ABR: variants seen among roughly 807,000 people sequenced by gnomAD.
ABR encodes active breakpoint cluster region-related protein.
ABR carries 35 observed loss-of-function variants against 107.2 expected under a neutral mutation model. The observed-to-expected ratio is 0.33, with a 90% CI of 0.25 to 0.43. ABR has a LOEUF of 0.43. ABR is among the 20% of genes least tolerant of loss of function. The probability of loss-of-function intolerance (pLI) is 1.00; values close to 1 mark genes in which losing one functional copy is unlikely to be tolerated. For synonymous variants in ABR, 498 were observed against 462.0 expected, an observed-to-expected ratio of 1.08 and a Z score of -1.00; for missense variants, 815 against 1,115.2, an observed-to-expected ratio of 0.73 and a Z score of 3.83.
intron 3 of ABR, among the ~76,000 whole-genome samples, chr17:1,094,057 C>A (rs1291504276): frequency 3.3e-5 from 5 of 151,444 alleles, no homozygotes; most frequent in African/African-American, 1.2e-4. Context: ...TCCGGTCAGG[C>A]CCCTCCTTCT....
Position 1,003,608 on chromosome 17 carries a change from T to C in ABR, c.*2472A>G, listed in dbSNP as rs1015825315. 1 of 152,564 alleles carries C rather than the reference T, an allele frequency of 6.6e-6. No individual in the cohort carries two copies. Among genetic ancestry groups the C allele is most frequent in the African/African-American group, 2.4e-5 (1 of 41,450 alleles). 9.5% of individuals were successfully genotyped at this position (152,564 alleles called of 1,614,324 possible). A position where few individuals can be genotyped will look rare whatever the true frequency, so the allele number is the denominator to read the frequency against. On this transcript the variant is annotated 3_prime_UTR_variant, in exon 23 of 23. Coordinates refer to ENST00000302538, the MANE Select transcript of ABR (RefSeq NM_021962.5). ...ATCAATTTATAATAATCTACATAAG[T>C]TGAAACAGAACATAGACAAAAAAAT...
chr17:1,166,989 C>A (rs2041538622), intron 1 of ABR, among the ~76,000 whole-genome samples: 1 of 152,190 alleles, frequency 6.6e-6, no homozygotes, highest in Admixed American at 6.5e-5. Flanking sequence ...GGTGACAGAG[C>A]CAGACTCTGT....
At chr17:1,198,310 A>G (rs952413298) in intron 1 of ABR, among the ~76,000 whole-genome samples, 2 of 151,530 alleles carry the variant, frequency 1.3e-5, no homozygotes, top group East Asian at 1.9e-4. Flanking sequence ...ACGTTGCCCA[A>G]GGCCGAGCTG....
At chr17:1,101,723 A>G (rs887659273) in intron 2 of ABR, among the ~76,000 whole-genome samples, 3 of 150,204 alleles carry the variant, frequency 2.0e-5, no homozygotes, top group African/African-American at 4.9e-5. Context: ...TGGGAAAGAC[A>G]TTTATTTTTT....
At position 1,083,556 on chromosome 17, in the gene ABR, G is replaced by A. The variant is rs1380757579; in HGVS notation, c.603C>T (p.Cys201=). The A allele has an allele frequency of 3.7e-6, 6 of 1,612,210 alleles. No individual in the cohort carries two copies. The South Asian group carries it at 5.5e-5, about 15-fold the overall frequency. The change falls in exon 5 of 23, where the codon TGC becomes TGT. Residue 201 remains cysteine, a synonymous_variant. Coordinates refer to ENST00000302538, the MANE Select transcript of ABR (RefSeq NM_021962.5). ...YKVALETAEK[C]SQSNNQFQKI... is the part of the protein sequence containing the mutation. ...TCTGGAACTGGTTGTTGGACTGGCT[G>A]CACTTCTCAGCTGTCTCCAGAGCGA... is the stretch of plus-strand genomic sequence containing the variant.
intron 16 of ABR, among the ~76,000 whole-genome samples, chr17:1,017,561 A>G (rs1224394762): frequency 7.0e-6 from 1 of 142,794 alleles, no homozygotes; most frequent in East Asian, 2.1e-4. Flanking sequence ...CCCGTCTCCC[A>G]GGTTCAACCG....
intron 16 of ABR, among the ~76,000 whole-genome samples, chr17:1,040,555 A>C (rs2030226401): frequency 6.6e-6 from 1 of 152,202 alleles, no homozygotes; most frequent in African/African-American, 2.4e-5. Flanking sequence ...TAAGAAAATA[A>C]TGCTGCCTCG....
In ABR at chr17:1,051,575, C is replaced by T. The variant is rs536558022; in HGVS notation, c.1562-941G>A. The stretch of plus-strand genomic sequence containing the variant: ...TGCAAACCCACACCCGCCCTGGGCT[C>T]GGACCCCAGCAGTCCTCCCACCTCC... On this transcript the variant is annotated intron_variant, in intron 14 of 22. Transcript: ENST00000302538. The surrounding 1 kb of genome is among the most constrained non-coding windows in gnomAD (Gnocchi z 4.3). 3.3e-5 allele frequency among the ~76,000 whole-genome samples: 5 copies of T among 152,316 alleles called. No homozygotes were observed. Among genetic ancestry groups the T allele is most frequent in the African/African-American group, 1.2e-4 (5 of 41,568 alleles).
At chr17:1,138,260 G>A (rs1249051974) in intron 1 of ABR, among the ~76,000 whole-genome samples, 1 of 152,042 alleles carries the variant, frequency 6.6e-6, no homozygotes, top group African/African-American at 2.4e-5. Flanking sequence ...GAAACAAATG[G>A]ATGGTGATAG....
At chr17:1,042,643 A>T (rs1326636822) in intron 16 of ABR, among the ~76,000 whole-genome samples, 1 of 135,338 alleles carries the variant, frequency 7.4e-6, no homozygotes, top group Non-Finnish European at 1.6e-5. Context: ...GACAGACAGA[A>T]GGACAAACAG....
chr17:1,049,894 C>T (rs1448908312), intron 16 of ABR, 156 bp downstream of exon 16: 2 of 1,072,000 alleles, frequency 1.9e-6, no homozygotes, highest in Non-Finnish European at 2.7e-6. Flanking sequence ...AGGCAGCCAC[C>T]TCTAGCAGGG....
At chr17:1,105,683 G>A (rs1360350266) in intron 2 of ABR, among the ~76,000 whole-genome samples, 2 of 152,164 alleles carry the variant, frequency 1.3e-5, no homozygotes, top group Admixed American at 1.3e-4. Flanking sequence ...AGACTAGCAT[G>A]GGCAACATGG....
chr17:1,163,039 T>C (rs536352066), intron 1 of ABR, among the ~76,000 whole-genome samples: 2 of 152,294 alleles, frequency 1.3e-5, no homozygotes, highest in South Asian at 4.1e-4. Context: ...GCCATTGCAC[T>C]CCAGCCTGGG....
In ABR at chr17:1,157,606, T is replaced by C. The variant is rs568660518; in HGVS notation, c.61+22061A>G. Among the ~76,000 whole-genome samples the C allele has an allele frequency of 5.9e-5, 9 of 152,270 alleles. 1 individual carries two copies. The highest frequency in any genetic ancestry group is 2.2e-4 in the African/African-American group (9 of 41,556). On this transcript the variant is annotated intron_variant, in intron 1 of 22. Coordinates refer to ENST00000302538, the MANE Select transcript of ABR (RefSeq NM_021962.5). This position sits in a 1 kb window ranked among gnomAD's most constrained non-coding sequence, Gnocchi z 4.7. ...GGCTGGTCCCTCAGGCCACAGGCCA[T>C]GAGAAGCAGCAACTACAAGGGAAGA...
At chr17:1,020,588 G>C (rs2071548110) in intron 16 of ABR, among the ~76,000 whole-genome samples, 1 of 152,204 alleles carries the variant, frequency 6.6e-6, no homozygotes, top group Non-Finnish European at 1.5e-5. Flanking sequence ...CCGAAGGTGA[G>C]CGTGGATTCT....
chr17:1,102,862 C>G (rs1336903981), intron 2 of ABR, among the ~76,000 whole-genome samples: 1 of 152,074 alleles, frequency 6.6e-6, no homozygotes, highest in African/African-American at 2.4e-5. Flanking sequence ...AGGCGTCCAC[C>G]ATCACACCCA....
chr17:1,108,956 G>C (rs1567772174), intron 2 of ABR: 1 of 1,596,132 alleles, frequency 6.3e-7, no homozygotes, highest in Admixed American at 1.7e-5. Context: ...CAGGAAGGGG[G>C]ACCCTGAGCC....
At chr17:1,062,186 G>C (rs1417200768) in intron 10 of ABR, among the ~76,000 whole-genome samples, 1 of 91,380 alleles carries the variant, frequency 1.1e-5, no homozygotes, top group Non-Finnish European at 2.4e-5. Flanking sequence ...CCTTCCTCTA[G>C]ACACTGTTGT....
At chr17:1,082,791 C>T (rs977072298) in intron 5 of ABR, among the ~76,000 whole-genome samples, 1 of 152,168 alleles carries the variant, frequency 6.6e-6, no homozygotes, top group Non-Finnish European at 1.5e-5. Context: ...GCCAGGAAAT[C>T]TGTGTTTTAA....
Sources: gnomAD v4.1 joint callset for allele counts (sites outside exome capture counted in the v4.1 genomes callset) on GRCh38, gnomAD v4.1.1 for gene constraint, Gnocchi (gnomAD v3.1) non-coding constraint, MANE v1.5 for transcripts, NCBI Gene and HGNC (gene_info 2026-07-23, HGNC 2026-07-21) for gene names.